PCDHA2: variants seen among roughly 807,000 people sequenced by gnomAD.
PCDHA2 encodes the protein protocadherin alpha-2.
PCDHA2 carries 58 observed loss-of-function variants against 66.0 expected under a neutral mutation model. That is an observed-to-expected ratio of 0.88 (90% CI 0.71 to 1.09). The LOEUF is 1.09. PCDHA2 is among the 50% of genes least tolerant of loss of function. The pLI, the probability that PCDHA2 is intolerant of heterozygous loss-of-function variation, is 0.00. For synonymous variants in PCDHA2, 634 were observed against 554.0 expected, an observed-to-expected ratio of 1.14 and a Z score of -2.03; for missense variants, 1,267 against 1,242.3, an observed-to-expected ratio of 1.02 and a Z score of -0.30.
chr5:140,850,556 G>A (rs1554144496), intron 1 of PCDHA2: 1 of 1,598,290 alleles, frequency 6.3e-7, no homozygotes. Flanking sequence ...TGGGTGCCAC[G>A]GGCCCCGAGG....
At chr5:140,974,879 A>G (rs1259634156) in intron 1 of PCDHA2, among the ~76,000 whole-genome samples, 1 of 152,212 alleles carries the variant, frequency 6.6e-6, no homozygotes, top group Non-Finnish European at 1.5e-5. Flanking sequence ...CAGTCTATGT[A>G]TCCCTTTTCT....
At chr5:140,841,325 G>T in intron 1 of PCDHA2, 1 of 1,608,154 alleles carries the variant, frequency 6.2e-7, no homozygotes, top group Non-Finnish European at 8.5e-7. Flanking sequence ...ATTTAACATG[G>T]ATTATCACTG....
At chr5:140,894,793 T>C (rs1269028222) in intron 1 of PCDHA2, among the ~76,000 whole-genome samples, 2 of 152,170 alleles carry the variant, frequency 1.3e-5, no homozygotes, top group Non-Finnish European at 2.9e-5. Flanking sequence ...TGTCCTCTCC[T>C]TTAAAAATAA....
chr5:140,808,176 T>C (rs782558494), intron 1 of PCDHA2: 3 of 1,614,256 alleles, frequency 1.9e-6, no homozygotes, highest in Non-Finnish European at 2.5e-6. Flanking sequence ...CAGCTCCCAC[T>C]TTCTGGCCAT....
At chr5:140,887,704 C>A (rs1554183178) in intron 1 of PCDHA2, among the ~76,000 whole-genome samples, 1 of 152,104 alleles carries the variant, frequency 6.6e-6, no homozygotes, top group East Asian at 1.9e-4. Context: ...ATCAACCATA[C>A]TTCTTCTAAT....
Position 140,796,672 on chromosome 5 carries a change from G to A in PCDHA2, c.1708G>A (p.Ala570Thr). The change falls in exon 1 of 4, where the codon GCT becomes ACT. Residue 570 changes from alanine to threonine, a missense_variant. Transcript: ENST00000526136. Reference sequence around the variant, plus strand: ...CGCGCCGGCACTGTTGGCGCCTAGGGCTGGCACCGCTGCTGGCGCAGTGAG... The same window carrying A: ...CGCGCCGGCACTGTTGGCGCCTAGGACTGGCACCGCTGCTGGCGCAGTGAG... ...DNAPALLAPR[A>T]GTAAGAVSEL... 6.2e-7 allele frequency: 1 copy of A among 1,613,884 alleles called. No homozygotes were observed. Among genetic ancestry groups the A allele is most frequent in the Non-Finnish European group, 8.5e-7 (1 of 1,179,874 alleles).
At chr5:140,956,212 C>A (rs246014) in intron 1 of PCDHA2, among the ~76,000 whole-genome samples, 85,603 of 151,956 alleles carry the variant, frequency 0.56, 24,735 homozygotes, top group African/African-American at 0.69. Context: ...AAGAGGGCAT[C>A]CTTGTCTTGT....
At chr5:140,852,040 G>A (rs2150280605) in intron 1 of PCDHA2, 1 of 922,330 alleles carries the variant, frequency 1.1e-6, no homozygotes, top group Admixed American at 6.3e-5. Flanking sequence ...TTGAGTTTTT[G>A]TTATGTGGTT....
chr5:140,968,637 T>C, intron 1 of PCDHA2: 1 of 1,614,208 alleles, frequency 6.2e-7, no homozygotes. Flanking sequence ...TTTTACCATC[T>C]AGCCCAGACT....
intron 1 of PCDHA2, among the ~76,000 whole-genome samples, chr5:140,915,915 T>C (rs782614078): frequency 1.3e-5 from 2 of 152,158 alleles, no homozygotes; most frequent in Non-Finnish European, 2.9e-5. Context: ...GGCCCAGAGA[T>C]GCTACTTGGG....
chr5:140,928,033 A>G, intron 1 of PCDHA2: 1 of 1,614,198 alleles, frequency 6.2e-7, no homozygotes, highest in Non-Finnish European at 8.5e-7. Context: ...TGGCATGTCT[A>G]GTGCAGGCCC....
chr5:140,908,329 A>T (rs539575503), intron 1 of PCDHA2, among the ~76,000 whole-genome samples: 140 of 152,214 alleles, frequency 9.2e-4, no homozygotes, highest in African/African-American at 2.7e-3. Flanking sequence ...AGACCATGGG[A>T]ATTTGAGCCA....
rs375837956 is a variant in PCDHA2, at chr5:140,796,791, C to T, written c.1827C>T (p.Tyr609=). The T allele has an allele frequency of 1.2e-6, 2 of 1,614,028 alleles. No homozygotes were observed. The highest frequency in any genetic ancestry group is 1.7e-6 in the Non-Finnish European group (2 of 1,179,976). ...ADSGYNAWLS[Y]ELQLGTGSAR... is the part of the protein sequence containing the mutation. ...CAGGCTACAACGCGTGGCTTTCGTA[C>T]GAGCTTCAGCTGGGTACTGGCAGCG... Residue 609 remains tyrosine, a synonymous_variant, in exon 1 of 4, where the codon TAC becomes TAT. Transcript: ENST00000526136.
In PCDHA2 at chr5:140,830,371, C is replaced by T. The variant is rs142388736; in HGVS notation, c.2388+33019C>T. 3.7e-5 allele frequency: 60 copies of T among 1,614,002 alleles called. No individual in the cohort carries two copies. In the Middle Eastern group the frequency reaches 6.6e-4, roughly 18 times the overall value. ...AGCAGAGGCGGCAGAGGGTGTGCTC[C>T]GGGGAGGGCCCACCCAAGATGGATC... On this transcript the variant is annotated intron_variant, in intron 1 of 3. Transcript: ENST00000526136.
chr5:140,927,960 C>G, intron 1 of PCDHA2: 2 of 1,614,196 alleles, frequency 1.2e-6, no homozygotes, highest in Non-Finnish European at 1.7e-6. Flanking sequence ...CTGCCCCTGG[C>G]ACAGTGATTG....
At chr5:140,864,528 T>C (rs2048505938) in intron 1 of PCDHA2, 1 of 152,240 alleles carries the variant, frequency 6.6e-6, no homozygotes, top group Non-Finnish European at 1.5e-5. Context: ...TACTTCTTAA[T>C]TTTTGTCTTC....
At chr5:140,841,445 G>C (rs1777235481) in intron 1 of PCDHA2, 6 of 1,612,934 alleles carry the variant, frequency 3.7e-6, no homozygotes, top group South Asian at 1.1e-5. Flanking sequence ...GGCCAAACAC[G>C]GCACCTTCGT....
chr5:140,884,092 G>A (rs1443036011), intron 1 of PCDHA2: 17 of 1,613,438 alleles, frequency 1.1e-5, no homozygotes, highest in Non-Finnish European at 1.4e-5. Flanking sequence ...CGTGGCTTTC[G>A]TATGAATTGC....
chr5:140,801,842 T>A (rs1250618289), intron 1 of PCDHA2: 44 of 1,614,054 alleles, frequency 2.7e-5, no homozygotes, highest in Non-Finnish European at 3.7e-5. Context: ...TAACAGCAAT[T>A]GATGGTGGGA....
Sources: allele counts gnomAD v4.1 joint callset (sites outside exome capture counted in the v4.1 genomes callset), GRCh38; gene constraint gnomAD v4.1.1; transcripts MANE v1.5; gene names NCBI Gene and HGNC (gene_info 2026-07-23, HGNC 2026-07-21).